SYNE3: variants seen among roughly 807,000 people sequenced by gnomAD.
SYNE3 encodes the protein spectrin repeat containing nuclear envelope family member 3, also known as nesprin-3.
Under a neutral mutation model 111.2 loss-of-function variants are expected in SYNE3, and 100 were observed. The ratio of observed to expected loss-of-function variants is 0.90; its 90% CI spans 0.77 to 1.06. The LOEUF (loss-of-function observed/expected upper bound fraction) is 1.06, where lower values mean the gene tolerates loss of function less well. Among genes scored for constraint, SYNE3 ranks in the 50% least tolerant of loss-of-function variants. The probability of loss-of-function intolerance (pLI) is 0.00; values close to 1 mark genes in which losing one functional copy is unlikely to be tolerated. For missense variants in SYNE3, 1,160 were observed against 1,240.3 expected (o/e 0.94, Z 0.97); for synonymous variants, 547 against 533.9 (o/e 1.02, Z -0.34).
intron 1 of SYNE3, among the ~76,000 whole-genome samples, chr14:95,490,099 T>A (rs1889773516): frequency 6.6e-6 from 1 of 152,202 alleles, no homozygotes; most frequent in African/African-American, 2.4e-5. Context: ...AAGGTTGTTG[T>A]GAAGGACAAG....
At chr14:95,506,096 A>T (rs1322129327) in intron 1 of SYNE3, among the ~76,000 whole-genome samples, 2 of 152,174 alleles carry the variant, frequency 1.3e-5, no homozygotes, top group Non-Finnish European at 2.9e-5. Context: ...TGGAGGGGAG[A>T]TAAAGAGATG....
rs761334868 is a variant in SYNE3 at position 95,449,934 on chromosome 14, G to C, written c.1446C>G (p.Ile482Met). 3.2e-6 allele frequency: 5 copies of C among 1,552,030 alleles called. No homozygotes were observed. The highest frequency in any genetic ancestry group is 1.2e-5 in the South Asian group (1 of 84,082). The change falls in exon 8 of 18, where the codon ATC becomes ATG. Residue 482 changes from isoleucine to methionine, a missense_variant. Physicochemically the swap from Ile to Met is conservative, Grantham distance 10. Transcript: ENST00000682763. The stretch of plus-strand genomic sequence containing the variant: ...CAGTTGGCAGGACCACGGTTACCTC[G>C]ATCTGGGGCAGGAAGGTGTGAAGGG... ...LPSLHTFLPQ[I>M]EAALMESSRL...
Position 95,442,134 on chromosome 14 carries a change from G to T in SYNE3, c.1911+1021C>A, listed in dbSNP as rs148193255. ...CCTTTGTGTAAGTGGATGGAAGACT[G>T]CTCTTGGGTTTGATCAAAGTGCTAT... On this transcript the variant is annotated intron_variant, in intron 11 of 17. Coordinates refer to ENST00000682763, the MANE Select transcript of SYNE3 (RefSeq NM_152592.6). 2.6e-4 allele frequency among the ~76,000 whole-genome samples: 40 copies of T among 152,342 alleles called. No homozygotes were observed. In the East Asian group the frequency reaches 6.0e-3, roughly 23 times the overall value.
In SYNE3 at chr14:95,485,172, T is replaced by C. The variant is rs901217233; in HGVS notation, c.-14-9337A>G. On this transcript the variant is annotated intron_variant, in intron 1 of 17. Coordinates refer to ENST00000682763, the MANE Select transcript of SYNE3 (RefSeq NM_152592.6). The surrounding 1 kb of genome is among the most constrained non-coding windows in gnomAD (Gnocchi z 4.3). ...CACACGGTGGGAGGGCGGTTGGGGC[T>C]GGGTCCTATTAGCTTTGAGTCAATG... Among the ~76,000 whole-genome samples the C allele has an allele frequency of 6.6e-6, 1 of 152,124 alleles. No individual in the cohort carries two copies. The highest frequency in any genetic ancestry group is 1.5e-5 in the Non-Finnish European group (1 of 68,020).
At chr14:95,436,777 G>A (rs749250357) in intron 15 of SYNE3, 43 bp downstream of exon 15, 2 of 1,600,470 alleles carry the variant, frequency 1.2e-6, no homozygotes, top group Non-Finnish European at 8.5e-7. Context: ...TGCCTCTGTG[G>A]GTGCAAACCT....
intron 1 of SYNE3, among the ~76,000 whole-genome samples, chr14:95,492,734 G>A (rs191802148): frequency 6.1e-4 from 93 of 152,292 alleles, no homozygotes; most frequent in African/African-American, 2.2e-3. Context: ...GAGGCATTGA[G>A]GGTAGGCGAG....
At chr14:95,434,241 G>A (rs182712983) in intron 15 of SYNE3, among the ~76,000 whole-genome samples, 32 of 152,194 alleles carry the variant, frequency 2.1e-4, no homozygotes, top group African/African-American at 7.0e-4. Flanking sequence ...AAGAATGTGA[G>A]GCACACCGGG....
intron 17 of SYNE3, chr14:95,429,814 C>T: frequency 2.0e-6 from 1 of 499,270 alleles, no homozygotes; most frequent in African/African-American, 2.2e-5. Flanking sequence ...ACCTTCAGAG[C>T]TCTCTGACCC....
At chr14:95,461,817 G>GC (rs1384841878) in intron 4 of SYNE3, among the ~76,000 whole-genome samples, 1 of 152,240 alleles carries the variant, frequency 6.6e-6, no homozygotes, top group Non-Finnish European at 1.5e-5. Flanking sequence ...TCTTCATCAA[G>GC]CTTTCAGAGC....
rs115288375 is a variant in SYNE3, at chr14:95,438,969, C to A, written c.2376+64G>T. 1.0e-3 allele frequency: 1,676 copies of A among 1,603,528 alleles called. 15 individuals carry two copies. The African/African-American group carries it at 0.019, about 18-fold the overall frequency. ...GACAGGGAGGGGCCTGTGCTGGAGA[C>A]CCCTACCCACCTCTTGACCTGGGGC... On this transcript the variant is annotated intron_variant, in intron 14 of 17. Coordinates refer to ENST00000682763, the MANE Select transcript of SYNE3 (RefSeq NM_152592.6).
chr14:95,476,729 G>A (rs2139515519), intron 1 of SYNE3, among the ~76,000 whole-genome samples: 1 of 152,332 alleles, frequency 6.6e-6, no homozygotes, highest in South Asian at 2.1e-4. Context: ...TTTATTCAAA[G>A]GGATTGTGTC....
Position 95,417,984 on chromosome 14 carries a change from A to T in SYNE3, c.2770T>A (p.Cys924Ser). The change falls in exon 18 of 18, where the codon TGC (cysteine) becomes AGC (serine). Residue 924 changes from cysteine to serine, a missense_variant. Cys to Ser is a moderately radical substitution (Grantham distance 112, BLOSUM62 -1). Coordinates refer to ENST00000682763, the MANE Select transcript of SYNE3 (RefSeq NM_152592.6). Reference protein sequence around the residue: ...RGLGSLFRRACCVALPLQLLL... With the variant: ...RGLGSLFRRASCVALPLQLLL... ...AGCTGCAGTGGGAGCGCCACACAGC[A>T]CGCCCTCCGGAAGAGGGAGCCCAGT... is the stretch of plus-strand genomic sequence containing the variant. 1 of 1,612,638 alleles carries T rather than the reference A, an allele frequency of 6.2e-7. No homozygotes were observed. Among genetic ancestry groups the T allele is most frequent in the Non-Finnish European group, 8.5e-7 (1 of 1,179,836 alleles).
chr14:95,511,365 G>C (rs1190012059), intron 1 of SYNE3, among the ~76,000 whole-genome samples: 1 of 152,092 alleles, frequency 6.6e-6, no homozygotes, highest in African/African-American at 2.4e-5. Flanking sequence ...GAAATGTGTG[G>C]TTCCATCGTA....
chr14:95,496,470 A>G (rs1367386708), intron 1 of SYNE3, among the ~76,000 whole-genome samples: 1 of 152,172 alleles, frequency 6.6e-6, no homozygotes, highest in Non-Finnish European at 1.5e-5. Context: ...TCACATTCCA[A>G]AATGTGTCTG....
chr14:95,486,368 C>A lies in SYNE3; in HGVS notation c.-14-10533G>T, dbSNP rs540579651. ...GACACCTGTCCCCCAGGCCACCCCC[C>A]ACCCCTCTCCCAATGTCTTATTGGC... On this transcript the variant is annotated intron_variant, in intron 1 of 17. Coordinates refer to ENST00000682763, the MANE Select transcript of SYNE3 (RefSeq NM_152592.6). 2.0e-5 allele frequency among the ~76,000 whole-genome samples: 3 copies of A among 152,270 alleles called. No individual in the cohort carries two copies. In the East Asian group the frequency reaches 5.8e-4, roughly 29 times the overall value.
Position 95,481,296 on chromosome 14 carries a change from G to A in SYNE3, c.-14-5461C>T, listed in dbSNP as rs532559326. Among the ~76,000 whole-genome samples, 17 of 152,222 alleles carry A rather than the reference G, an allele frequency of 1.1e-4. 1 individual carries two copies. The highest frequency in any genetic ancestry group is 1.1e-3 in the Admixed American group (17 of 15,286). ...CTACCGTGGGGCATCCAATAGAACT[G>A]CCCCTGGGAGGAAAGCAAGCCCGTG... is the stretch of plus-strand genomic sequence containing the variant. On this transcript the variant is annotated intron_variant, in intron 1 of 17. Transcript: ENST00000682763.
Position 95,432,115 on chromosome 14 carries a change from T to C in SYNE3, c.2691A>G (p.Thr897=). 6.2e-7 allele frequency: 1 copy of C among 1,612,304 alleles called. No individual in the cohort carries two copies. The highest frequency in any genetic ancestry group is 2.2e-5 in the East Asian group (1 of 44,874). ...CAGTCGGCTCCCCTGGAGAACTTTG[T>C]GTCTGTTATTTTAGGGAAGGAGAGG... ...SKLKDSGHLL[T]QSSPGEPTGF... Residue 897 remains threonine, a splice_region_variant and synonymous_variant, in exon 17 of 18, where the codon ACA becomes ACG. Transcript: ENST00000682763.
chr14:95,446,345 C>T (rs1257478868), intron 8 of SYNE3, among the ~76,000 whole-genome samples: 2 of 152,144 alleles, frequency 1.3e-5, no homozygotes, highest in African/African-American at 4.8e-5. Context: ...TGAGTAATAT[C>T]CACCTCCTAC....
At chr14:95,476,883 C>T (rs1888918386) in intron 1 of SYNE3, among the ~76,000 whole-genome samples, 1 of 152,136 alleles carries the variant, frequency 6.6e-6, no homozygotes, top group South Asian at 2.1e-4. Flanking sequence ...CAGAAACAAC[C>T]CACATGCCTA....
Sources: allele counts gnomAD v4.1 joint callset (sites outside exome capture counted in the v4.1 genomes callset), GRCh38; gene constraint gnomAD v4.1.1; non-coding constraint Gnocchi (gnomAD v3.1); transcripts MANE v1.5; gene names NCBI Gene and HGNC (gene_info 2026-07-23, HGNC 2026-07-21).